THBS4: variants seen among roughly 807,000 people sequenced by gnomAD.
THBS4 encodes thrombospondin 4.
THBS4 carries 90 observed loss-of-function variants against 115.7 expected under a neutral mutation model. The ratio of observed to expected loss-of-function variants is 0.78; its 90% confidence interval spans 0.66 to 0.93. The LOEUF (loss-of-function observed/expected upper bound fraction) is 0.93. Among genes scored for constraint, THBS4 ranks in the 40% least tolerant of loss-of-function variants. The pLI is 0.00. For missense variants in THBS4, 1,087 were observed against 1,232.7 expected (o/e 0.88, Z 1.77); for synonymous variants, 460 against 479.3 (o/e 0.96, Z 0.53).
chr5:80,059,119 G>T lies in THBS4; in HGVS notation c.733-321G>T, dbSNP rs539562499. 9.6e-4 allele frequency among the ~76,000 whole-genome samples: 146 copies of T among 152,202 alleles called. 1 individual carries two copies. The highest frequency in any genetic ancestry group is 3.4e-3 in the African/African-American group (143 of 41,538). ...GGCTGAGGTGGGCAGATCACGAGGT[G>T]AGGAGCTCGAGACCAGCCTGAACAA... is the stretch of plus-strand genomic sequence containing the variant. On this transcript the variant is annotated intron_variant, in intron 5 of 21. Coordinates refer to ENST00000350881, the MANE Select transcript of THBS4 (RefSeq NM_003248.6).
chr5:80,041,838 A>G (rs1479507182), intron 2 of THBS4, among the ~76,000 whole-genome samples: 1 of 152,104 alleles, frequency 6.6e-6, no homozygotes, highest in Non-Finnish European at 1.5e-5. Context: ...TTTTATGTTT[A>G]TTTCAGTTTG....
intron 2 of THBS4, among the ~76,000 whole-genome samples, chr5:80,002,396 A>G (rs1831918798): frequency 6.6e-6 from 1 of 152,040 alleles, no homozygotes; most frequent in Non-Finnish European, 1.5e-5. Flanking sequence ...CCCAGTCACT[A>G]AGGATGACTC....
chr5:80,048,795 T>C (rs16877442), intron 2 of THBS4, among the ~76,000 whole-genome samples: 13,663 of 152,280 alleles, frequency 0.09, 817 homozygotes, highest in East Asian at 0.23. Flanking sequence ...TTTGTATGTA[T>C]TTCCAAAGCA....
intron 2 of THBS4, among the ~76,000 whole-genome samples, chr5:80,053,304 T>A (rs1447923415): frequency 6.6e-6 from 1 of 152,180 alleles, no homozygotes; most frequent in Non-Finnish European, 1.5e-5. Context: ...TACTGTAATT[T>A]AAGTAGCCAG....
chr5:80,063,954 T>G lies in THBS4; in HGVS notation c.1126-1455T>G, dbSNP rs936006121. On this transcript the variant is annotated intron_variant, in intron 8 of 21. Transcript: ENST00000350881. ...CACAGCAGATCCTGGGAGGTGGGAG[T>G]TGGGTCCAGGTCTTAGTAACAGGGA... is the stretch of plus-strand genomic sequence containing the variant. 8.6e-5 allele frequency among the ~76,000 whole-genome samples: 13 copies of G among 151,736 alleles called. 1 individual carries two copies. Among genetic ancestry groups the G allele is most frequent in the Non-Finnish European group, 1.5e-5 (1 of 67,940 alleles).
chr5:79,997,571 A>G (rs1831820731), intron 1 of THBS4, among the ~76,000 whole-genome samples: 1 of 151,222 alleles, frequency 6.6e-6, no homozygotes, highest in Non-Finnish European at 1.5e-5. Flanking sequence ...AACATAAGCT[A>G]TAGTTATACC....
intron 2 of THBS4, chr5:80,019,956 T>C (rs1270535234): frequency 6.5e-6 from 1 of 153,582 alleles, no homozygotes; most frequent in Non-Finnish European, 1.5e-5. Context: ...TTAACTGTTT[T>C]GTGATTCATT....
At chr5:80,054,262 C>T (rs191701633) in intron 2 of THBS4, among the ~76,000 whole-genome samples, 162 of 150,722 alleles carry the variant, frequency 1.1e-3, no homozygotes, top group African/African-American at 3.9e-3. Context: ...TCAAGCAATC[C>T]TCCACCTCAG....
At chr5:79,999,230 G>A (rs184654514) in intron 2 of THBS4, among the ~76,000 whole-genome samples, 116 of 152,264 alleles carry the variant, frequency 7.6e-4, no homozygotes, top group African/African-American at 2.7e-3. Flanking sequence ...TAAGGGCTAT[G>A]GCATAATAAG....
At chr5:80,021,499 A>G (rs776280288) in intron 2 of THBS4, among the ~76,000 whole-genome samples, 1 of 151,944 alleles carries the variant, frequency 6.6e-6, no homozygotes, top group Admixed American at 6.6e-5. Context: ...AGTGACTCTA[A>G]GAGCACTGTT....
At chr5:80,014,277 G>A (rs903263070) in intron 2 of THBS4, among the ~76,000 whole-genome samples, 5 of 152,184 alleles carry the variant, frequency 3.3e-5, no homozygotes, top group Non-Finnish European at 7.3e-5. Context: ...ATACTCAATG[G>A]ATGTAACGGT....
intron 2 of THBS4, among the ~76,000 whole-genome samples, chr5:80,042,310 C>G (rs17879633): frequency 6.6e-6 from 1 of 152,320 alleles, no homozygotes; most frequent in South Asian, 2.1e-4. Flanking sequence ...AGTTTGTGAT[C>G]GTAAAAATCA....
At chr5:80,032,572 C>A (rs1196883736), upstream of THBS4, among the ~76,000 whole-genome samples, 1 of 152,190 alleles carries the variant, frequency 6.6e-6, no homozygotes, top group South Asian at 2.1e-4. Flanking sequence ...GACAGTGCAA[C>A]CTTTAGTCTG....
chr5:80,027,894 CAAAAAAAAAAAAA>C (rs1159986888), intron 2 of THBS4, among the ~76,000 whole-genome samples: 3 of 47,720 alleles, frequency 6.3e-5, no homozygotes, highest in Admixed American at 5.5e-4. Flanking sequence ...ACCCTGTCTC[CAAAAAAAAAAAAA>C]AAAAAAAAAG....
intron 2 of THBS4, among the ~76,000 whole-genome samples, chr5:80,008,290 A>G (rs185703852): frequency 6.6e-6 from 1 of 152,346 alleles, no homozygotes; most frequent in Non-Finnish European, 1.5e-5. Flanking sequence ...GTCTCCATCT[A>G]AGACAGAGTT....
At chr5:80,073,507 C>T (rs962491029) in intron 15 of THBS4, among the ~76,000 whole-genome samples, 180 bp downstream of exon 15, 39 of 152,008 alleles carry the variant, frequency 2.6e-4, no homozygotes, top group Non-Finnish European at 4.1e-4. Flanking sequence ...CCTCAGCCTC[C>T]CAAGTAGCTG....
At chr5:80,062,486 G>T (rs767824170) in intron 8 of THBS4, among the ~76,000 whole-genome samples, 1 of 152,088 alleles carries the variant, frequency 6.6e-6, no homozygotes, top group Non-Finnish European at 1.5e-5. Context: ...GAAGGGCAGG[G>T]GTTTATTATT....
chr5:80,054,740 C>T (rs1833368149), intron 2 of THBS4, among the ~76,000 whole-genome samples: 1 of 152,024 alleles, frequency 6.6e-6, no homozygotes, highest in Non-Finnish European at 1.5e-5. Context: ...GCTCGGATTA[C>T]AGGCATAAGC....
At chr5:80,003,569 G>C (rs1831953242) in intron 2 of THBS4, among the ~76,000 whole-genome samples, 1 of 152,104 alleles carries the variant, frequency 6.6e-6, no homozygotes, top group Non-Finnish European at 1.5e-5. Context: ...AACAGCTCCA[G>C]CCAACATAAA....
Sources: gnomAD v4.1 joint callset for allele counts (sites outside exome capture counted in the v4.1 genomes callset) on GRCh38, gnomAD v4.1.1 for gene constraint, MANE v1.5 for transcripts, NCBI Gene and HGNC (gene_info 2026-07-23, HGNC 2026-07-21) for gene names.